Variants in TFEC observed in about 807,000 individuals in gnomAD.
TFEC encodes the protein transcription factor EC.
Under a neutral mutation model 41.6 loss-of-function variants are expected in TFEC, and 31 were observed. The observed-to-expected ratio is 0.74, with a 90% confidence interval of 0.56 to 1.01. The LOEUF (loss-of-function observed/expected upper bound fraction) is 1.01, where lower values mean the gene tolerates loss of function less well. Among genes scored for constraint, TFEC ranks in the 50% least tolerant of loss-of-function variants. The pLI, the probability that TFEC is intolerant of heterozygous loss-of-function variation, is 0.00. For synonymous variants in TFEC, 143 were observed against 140.6 expected, an observed-to-expected ratio of 1.02 and a Z score of -0.12; for missense variants, 402 against 404.1, an observed-to-expected ratio of 0.99 and a Z score of 0.04.
intron 1 of TFEC, among the ~76,000 whole-genome samples, chr7:116,015,620 G>T (rs1795160539): frequency 6.6e-6 from 1 of 151,864 alleles, no homozygotes; most frequent in African/African-American, 2.4e-5. Flanking sequence ...ACGAAAAAAA[G>T]AAAAAAGAAG....
intron 3 of TFEC, among the ~76,000 whole-genome samples, chr7:116,045,634 C>T (rs1562949581): frequency 6.6e-6 from 1 of 152,238 alleles, no homozygotes; most frequent in Non-Finnish European, 1.5e-5. Context: ...TCAAGGAGAA[C>T]CTCTGCTAGG....
intron 1 of TFEC, among the ~76,000 whole-genome samples, chr7:115,999,844 C>CA (rs71137145): frequency 0.67 from 88,031 of 131,092 alleles, 30,688 homozygotes; most frequent in Non-Finnish European, 0.79. Context: ...AGTCTCCTAG[C>CA]AAAAAAAAAA....
chr7:116,089,990 A>G (rs994850155), intron 3 of TFEC, among the ~76,000 whole-genome samples: 4 of 152,150 alleles, frequency 2.6e-5, no homozygotes, highest in Non-Finnish European at 5.9e-5. Flanking sequence ...ACAGTGAGGC[A>G]GAAGAAAGGG....
intron 3 of TFEC, among the ~76,000 whole-genome samples, chr7:116,083,424 C>A (rs1384543595): frequency 2.0e-5 from 3 of 151,824 alleles, no homozygotes; most frequent in Non-Finnish European, 4.4e-5. Context: ...ATTCAGAACA[C>A]TTATCTTAGA....
At chr7:116,157,926 T>C (rs1007699496) in intron 1 of TFEC, among the ~76,000 whole-genome samples, 27 of 152,276 alleles carry the variant, frequency 1.8e-4, no homozygotes, top group African/African-American at 6.5e-4. Flanking sequence ...GAATTTGAAA[T>C]GTGGCACATA....
intron 1 of TFEC, among the ~76,000 whole-genome samples, chr7:115,992,173 A>G (rs1239393078): frequency 6.6e-6 from 1 of 152,230 alleles, no homozygotes; most frequent in Non-Finnish European, 1.5e-5. Context: ...ACAAAGACAC[A>G]ACATACCAGA....
intron 1 of TFEC, among the ~76,000 whole-genome samples, chr7:116,128,712 C>T (rs2116286751): frequency 6.6e-6 from 1 of 151,994 alleles, no homozygotes; most frequent in East Asian, 1.9e-4. Context: ...CTCAGTGTTA[C>T]TGACTGAGGA....
rs116986980 is a variant in TFEC, at chr7:116,016,054, A to G, written c.-73+14579T>C. Among the ~76,000 whole-genome samples the G allele has an allele frequency of 8.7e-4, 133 of 152,312 alleles. No homozygotes were observed. The East Asian group carries it at 0.025, about 29-fold the overall frequency. On this transcript the variant is annotated intron_variant, in intron 1 of 7. Transcript: ENST00000265440. ...CATCAATATCCAAGGGGTAAGAGAGACTAAAAGAATCTCAAAAAAGTATTA... is the reference window on the plus strand; with the variant it reads ...CATCAATATCCAAGGGGTAAGAGAGGCTAAAAGAATCTCAAAAAAGTATTA...
intron 3 of TFEC, among the ~76,000 whole-genome samples, chr7:116,102,722 T>C (rs995109327): frequency 2.6e-5 from 4 of 152,208 alleles, no homozygotes; most frequent in African/African-American, 7.2e-5. Flanking sequence ...TCATTTCATT[T>C]ACACTTGTGG....
At chr7:115,974,619 T>C (rs1364743770) in intron 2 of TFEC, among the ~76,000 whole-genome samples, 1 of 150,682 alleles carries the variant, frequency 6.6e-6, no homozygotes, top group Non-Finnish European at 1.5e-5. Context: ...TATCATGAAA[T>C]ATCTCAAGGC....
chr7:115,992,306 C>T (rs1398817648), intron 1 of TFEC, among the ~76,000 whole-genome samples: 2 of 152,016 alleles, frequency 1.3e-5, no homozygotes, highest in South Asian at 2.1e-4. Context: ...ACTAGAGAAG[C>T]AAGAGAAAAC....
At chr7:115,994,319 C>T (rs1794261301) in intron 1 of TFEC, among the ~76,000 whole-genome samples, 1 of 152,040 alleles carries the variant, frequency 6.6e-6, no homozygotes, top group South Asian at 2.1e-4. Flanking sequence ...GACTAAAACA[C>T]CAAAAGCAAT....
At chr7:116,123,027 CAAAAA>C (rs1264640754) in intron 1 of TFEC, among the ~76,000 whole-genome samples, 3 of 151,152 alleles carry the variant, frequency 2.0e-5, no homozygotes, top group Non-Finnish European at 4.4e-5. Context: ...GAGTACAAAT[CAAAAA>C]GAAAAAAACA....
chr7:116,114,982 T>A (rs1485982136), intron 1 of TFEC, among the ~76,000 whole-genome samples: 1 of 151,506 alleles, frequency 6.6e-6, no homozygotes, highest in Non-Finnish European at 1.5e-5. Flanking sequence ...CCCCACACAC[T>A]GACTGTCATG....
intron 1 of TFEC, among the ~76,000 whole-genome samples, chr7:116,122,949 C>T (rs1350522477): frequency 6.6e-6 from 1 of 151,980 alleles, no homozygotes; most frequent in African/African-American, 2.4e-5. Context: ...TTGGGAAATG[C>T]CAAGTAGCCA....
At chr7:116,024,146 T>C (rs776402191) in intron 1 of TFEC, among the ~76,000 whole-genome samples, 11 of 152,144 alleles carry the variant, frequency 7.2e-5, no homozygotes, top group Admixed American at 1.3e-4. Context: ...GGTCCCATGT[T>C]ACCTCTACAA....
chr7:116,138,571 G>C (rs370225808), intron 1 of TFEC, among the ~76,000 whole-genome samples: 1 of 152,084 alleles, frequency 6.6e-6, no homozygotes. Flanking sequence ...AAAGATTTTT[G>C]TCTAAGAGAC....
intron 3 of TFEC, among the ~76,000 whole-genome samples, chr7:115,960,343 C>A (rs1417395330): frequency 6.6e-6 from 1 of 151,486 alleles, no homozygotes; most frequent in Non-Finnish European, 1.5e-5. Flanking sequence ...CTTAGGCATA[C>A]AATGCTTAAG....
At chr7:116,105,650 G>T (rs1188583782) in intron 3 of TFEC, among the ~76,000 whole-genome samples, 2 of 151,936 alleles carry the variant, frequency 1.3e-5, no homozygotes, top group Non-Finnish European at 2.9e-5. Context: ...ACTCAGCAGC[G>T]CAAGCCAGCA....
Sources: allele counts gnomAD v4.1 joint callset (sites outside exome capture counted in the v4.1 genomes callset), GRCh38; gene constraint gnomAD v4.1.1; transcripts MANE v1.5; gene names NCBI Gene and HGNC (gene_info 2026-07-23, HGNC 2026-07-21).